MACROD2: variants seen among roughly 807,000 people sequenced by gnomAD.
MACROD2 encodes the protein ADP-ribose glycohydrolase MACROD2.
In MACROD2, 36 loss-of-function variants were observed where a neutral mutation model predicts 70.4. The ratio of observed to expected loss-of-function variants is 0.51; its 90% CI spans 0.39 to 0.68. The LOEUF (loss-of-function observed/expected upper bound fraction) is 0.68. MACROD2 is among the 30% of genes least tolerant of loss of function. The pLI, the probability that MACROD2 is intolerant of heterozygous loss-of-function variation, is 0.00. For missense variants in MACROD2, 496 were observed against 538.4 expected (o/e 0.92, Z 0.78); for synonymous variants, 172 against 178.8 (o/e 0.96, Z 0.30).
At chr20:14,002,966 A>G in intron 2 of MACROD2, among the ~76,000 whole-genome samples, 1 of 152,234 alleles carries the variant, frequency 6.6e-6, no homozygotes, top group East Asian at 1.9e-4. Context: ...AATATAAAGG[A>G]AGTTTTAAGG....
chr20:15,162,708 T>A (rs995051535), intron 5 of MACROD2, among the ~76,000 whole-genome samples: 1 of 152,056 alleles, frequency 6.6e-6, no homozygotes, highest in African/African-American at 2.4e-5. Flanking sequence ...CAATACGTAT[T>A]TGTGTATGTA....
intron 5 of MACROD2, among the ~76,000 whole-genome samples, chr20:15,106,541 C>T (rs1233047499): frequency 6.6e-6 from 1 of 152,086 alleles, no homozygotes; most frequent in African/African-American, 2.4e-5. Flanking sequence ...AGGCTTGAAC[C>T]CTCAGAAGAA....
chr20:15,564,649 A>G (rs568962987), intron 8 of MACROD2, among the ~76,000 whole-genome samples: 1 of 152,332 alleles, frequency 6.6e-6, no homozygotes, highest in South Asian at 2.1e-4. Context: ...AAATGGTTTC[A>G]TGAAAATGCT....
chr20:14,828,733 G>GT (rs1261149957), intron 5 of MACROD2, among the ~76,000 whole-genome samples: 1 of 152,104 alleles, frequency 6.6e-6, no homozygotes, highest in African/African-American at 2.4e-5. Flanking sequence ...AGGGGCAGGT[G>GT]TAATGAGTTT....
chr20:15,466,151 C>T (rs1019128256), intron 7 of MACROD2, among the ~76,000 whole-genome samples: 20 of 152,142 alleles, frequency 1.3e-4, no homozygotes, highest in Admixed American at 1.2e-3. Context: ...CAGAAAAAGT[C>T]GTGGCTGGGC....
chr20:14,831,780 CAAA>C lies in MACROD2; in HGVS notation c.418+146846_418+146848del, dbSNP rs71190151. ...GGGTGACAAGAGTGAAACTCCGTCT[CAAA>C]AAAAAAAAAAAAAAAAAAAAAAAAG... is the stretch of plus-strand genomic sequence containing the variant. On this transcript the variant is annotated intron_variant, in intron 5 of 17. Transcript: ENST00000684519. Among the ~76,000 whole-genome samples the C allele has an allele frequency of 6.5e-3, 240 of 37,096 alleles. 1 individual carries two copies. The highest frequency in any genetic ancestry group is 9.0e-3 in the Admixed American group (15 of 1,662). The allele number at this position is 37,096 out of a possible 152,430, so 24.3% of individuals were successfully genotyped here.
At chr20:15,421,421 A>C (rs988783572) in intron 6 of MACROD2, among the ~76,000 whole-genome samples, 1 of 152,122 alleles carries the variant, frequency 6.6e-6, no homozygotes, top group African/African-American at 2.4e-5. Context: ...GCCAGGTTGC[A>C]TGTTACAGCA....
chr20:14,473,096 T>C (rs751244106), intron 3 of MACROD2, among the ~76,000 whole-genome samples: 1 of 152,206 alleles, frequency 6.6e-6, no homozygotes. Context: ...TTTCAATACA[T>C]GTATACAATA....
intron 3 of MACROD2, among the ~76,000 whole-genome samples, chr20:14,461,947 T>G (rs1052229004): frequency 6.6e-6 from 1 of 152,074 alleles, no homozygotes; most frequent in Non-Finnish European, 1.5e-5. Context: ...GCAAGAAACA[T>G]ACGTGTGCAT....
At chr20:15,275,817 A>G (rs906970913) in intron 6 of MACROD2, among the ~76,000 whole-genome samples, 4 of 152,200 alleles carry the variant, frequency 2.6e-5, no homozygotes, top group African/African-American at 9.7e-5. Flanking sequence ...AGCTCCCAGC[A>G]GGCCATGTGT....
At chr20:15,401,279 C>G (rs1270180969) in intron 6 of MACROD2, among the ~76,000 whole-genome samples, 1 of 152,126 alleles carries the variant, frequency 6.6e-6, no homozygotes, top group Admixed American at 6.5e-5. Flanking sequence ...ACCTTGTGAT[C>G]CGCCCGCCTC....
intron 6 of MACROD2, among the ~76,000 whole-genome samples, chr20:15,265,158 T>C (rs959063283): frequency 2.0e-5 from 3 of 152,180 alleles, no homozygotes; most frequent in Non-Finnish European, 4.4e-5. Flanking sequence ...TGCTAAGAAG[T>C]GGCTATTTGA....
chr20:14,581,911 G>A (rs1884702), intron 4 of MACROD2, among the ~76,000 whole-genome samples: 97,615 of 151,918 alleles, frequency 0.64, 32,909 homozygotes, highest in East Asian at 0.93. Flanking sequence ...GCAGGTAGGA[G>A]CATGCTCTTC....
intron 6 of MACROD2, among the ~76,000 whole-genome samples, chr20:15,275,227 C>T (rs903883015): frequency 1.5e-4 from 22 of 151,320 alleles, no homozygotes; most frequent in Admixed American, 6.6e-5. Context: ...AACACACAAA[C>T]AACAACAAAA....
chr20:15,227,836 T>G (rs6034131), intron 5 of MACROD2, among the ~76,000 whole-genome samples: 29 of 124,660 alleles, frequency 2.3e-4, no homozygotes, highest in South Asian at 2.5e-4. Context: ...TTTTTTTTTT[T>G]TTTTTTTTTT....
In MACROD2 at chr20:14,233,148, T is replaced by C. The variant is rs527686303; in HGVS notation, c.271+147420T>C. On this transcript the variant is annotated intron_variant, in intron 3 of 17. Coordinates refer to ENST00000684519, the MANE Select transcript of MACROD2 (RefSeq NM_001351661.2). The stretch of plus-strand genomic sequence containing the variant: ...TGGTGCCCCAAGACAATTACAGTTA[T>C]AACATCAAAGATCACTGATCACAGA... Among the ~76,000 whole-genome samples, 248 of 152,226 alleles carry C rather than the reference T, an allele frequency of 1.6e-3. 2 individuals carry two copies. The highest frequency in any genetic ancestry group is 5.8e-3 in the African/African-American group (239 of 41,536).
At position 15,434,569 on chromosome 20, in the gene MACROD2, C is replaced by T. The variant is rs564408618; in HGVS notation, c.571+3134C>T. ...AAAGGGAACACATTTACACTGCTGG[C>T]GGGAATGTAAATTAGTACAACCATT... On this transcript the variant is annotated intron_variant, in intron 7 of 17. Transcript: ENST00000684519. Among the ~76,000 whole-genome samples the T allele has an allele frequency of 8.4e-4, 127 of 152,062 alleles. 1 individual carries two copies. The highest frequency in any genetic ancestry group is 2.2e-3 in the African/African-American group (93 of 41,486).
At position 15,056,847 on chromosome 20, in the gene MACROD2, A is replaced by G. The variant is rs542884201; in HGVS notation, c.419-173093A>G. 4.6e-4 allele frequency among the ~76,000 whole-genome samples: 70 copies of G among 152,206 alleles called. 2 individuals carry two copies. The highest frequency in any genetic ancestry group is 2.6e-4 in the Non-Finnish European group (18 of 68,036). ...TCACAACAACAAATAAGAACTAATC[A>G]TATAACTTTCAGATATCAGGAGAAA... On this transcript the variant is annotated intron_variant, in intron 5 of 17. Transcript: ENST00000684519.
At chr20:14,186,191 G>A (rs2081342608) in intron 3 of MACROD2, among the ~76,000 whole-genome samples, 1 of 151,272 alleles carries the variant, frequency 6.6e-6, no homozygotes, top group Non-Finnish European at 1.5e-5. Flanking sequence ...AATGTGCCTT[G>A]AAGGCATTCC....
Sources: gnomAD v4.1 joint callset for allele counts (sites outside exome capture counted in the v4.1 genomes callset) on GRCh38, gnomAD v4.1.1 for gene constraint, MANE v1.5 for transcripts, NCBI Gene and HGNC (gene_info 2026-07-23, HGNC 2026-07-21) for gene names.